The following OPN5 variants were observed in gnomAD, a reference collection of about 807,000 sequenced individuals.
OPN5 encodes the protein opsin 5.
Under a neutral mutation model 41.7 loss-of-function variants are expected in OPN5, and 18 were observed. That is an observed-to-expected ratio of 0.43 (90% CI 0.30 to 0.64). The LOEUF (loss-of-function observed/expected upper bound fraction) is 0.64. Among genes scored for constraint, OPN5 ranks in the 30% least tolerant of loss-of-function variants. OPN5 has a pLI of 0.13. For synonymous variants in OPN5, 178 were observed against 164.3 expected (o/e 1.08, Z -0.64); for missense variants, 318 against 434.5 (o/e 0.73, Z 2.38).
chr6:47,796,619 C>T (rs1481404990), intron 4 of OPN5, among the ~76,000 whole-genome samples: 4 of 152,184 alleles, frequency 2.6e-5, no homozygotes, highest in Admixed American at 6.5e-5. Flanking sequence ...CAATCAATCA[C>T]GTTGATTGGT....
chr6:47,795,785 C>CTT (rs1419857903), intron 4 of OPN5, among the ~76,000 whole-genome samples: 364 of 44,500 alleles, frequency 8.2e-3, no homozygotes, highest in African/African-American at 0.016. Context: ...CTCTCACACA[C>CTT]ACACACACAC....
intron 2 of OPN5, among the ~76,000 whole-genome samples, chr6:47,790,392 A>ACT (rs879689653): frequency 6.6e-6 from 1 of 151,710 alleles, no homozygotes; most frequent in Non-Finnish European, 1.5e-5. Flanking sequence ...TTCAGGGGAC[A>ACT]CTCTCTCTCT....
chr6:47,801,269 C>T (rs566256690), intron 4 of OPN5, among the ~76,000 whole-genome samples: 1 of 152,340 alleles, frequency 6.6e-6, no homozygotes, highest in African/African-American at 2.4e-5. Context: ...ATTGAATAAA[C>T]TAAGTTAATC....
chr6:47,786,338 C>T (rs1773191174), intron 1 of OPN5, among the ~76,000 whole-genome samples, 177 bp from the exon 2 acceptor site: 1 of 152,170 alleles, frequency 6.6e-6, no homozygotes, highest in Non-Finnish European at 1.5e-5. Context: ...CCCCATTGGC[C>T]TGTCACTCAC....
At chr6:47,811,767 G>A (rs1274643929) in intron 6 of OPN5, 36 bp downstream of exon 6, 17 of 1,415,656 alleles carry the variant, frequency 1.2e-5, no homozygotes, top group Middle Eastern at 1.8e-4. Flanking sequence ...ATGGACACTC[G>A]TATTCACTTA....
chr6:47,820,779 G>A (rs941502365), intron 6 of OPN5, among the ~76,000 whole-genome samples: 2 of 152,066 alleles, frequency 1.3e-5, no homozygotes, highest in Non-Finnish European at 2.9e-5. Flanking sequence ...AAGTACAGTC[G>A]ACCCTTGAAC....
chr6:47,808,688 T>C (rs543764021), intron 5 of OPN5, among the ~76,000 whole-genome samples: 1 of 152,286 alleles, frequency 6.6e-6, no homozygotes, highest in Admixed American at 6.5e-5. Context: ...GGCTCGTACA[T>C]TGCATATCTG....
chr6:47,790,463 GC>G (rs1561890853), intron 2 of OPN5, among the ~76,000 whole-genome samples: 1 of 151,988 alleles, frequency 6.6e-6, no homozygotes, highest in Non-Finnish European at 1.5e-5. Flanking sequence ...TCTGGTCTAG[GC>G]ATGAACACAT....
At chr6:47,799,563 A>G (rs917856886) in intron 4 of OPN5, among the ~76,000 whole-genome samples, 3 of 152,160 alleles carry the variant, frequency 2.0e-5, no homozygotes, top group Non-Finnish European at 2.9e-5. Context: ...TGTTCCAACT[A>G]TAAGTCATCT....
chr6:47,795,778 T>TCACACACACACACA (rs57933636), intron 4 of OPN5, among the ~76,000 whole-genome samples: 14 of 142,804 alleles, frequency 9.8e-5, no homozygotes, highest in African/African-American at 3.8e-4. Flanking sequence ...TCTCTCTCTC[T>TCACACACACACACA]CACACACACA....
At chr6:47,797,899 G>C (rs1486552971) in intron 4 of OPN5, among the ~76,000 whole-genome samples, 1 of 152,108 alleles carries the variant, frequency 6.6e-6, no homozygotes, top group Non-Finnish European at 1.5e-5. Context: ...GTCCTCTTGT[G>C]TATTCTTGAG....
intron 4 of OPN5, among the ~76,000 whole-genome samples, chr6:47,804,072 T>C (rs1164209181): frequency 1.3e-5 from 2 of 152,248 alleles, no homozygotes; most frequent in Non-Finnish European, 1.5e-5. Flanking sequence ...TGAGCAATTA[T>C]GGACAACACT....
At chr6:47,800,041 G>C (rs1333799414) in intron 4 of OPN5, among the ~76,000 whole-genome samples, 6 of 152,082 alleles carry the variant, frequency 3.9e-5, no homozygotes, top group African/African-American at 1.4e-4. Context: ...GGGAAATGAA[G>C]GTTTTACTTC....
chr6:47,795,440 A>G, exon 4 of OPN5: 1 of 1,614,050 alleles, frequency 6.2e-7, no homozygotes, highest in Non-Finnish European at 8.5e-7. Context: ...TCTTGCTCCC[A>G]ACGGCTGTGA....
At chr6:47,801,042 C>G (rs1773751102) in intron 4 of OPN5, among the ~76,000 whole-genome samples, 1 of 152,140 alleles carries the variant, frequency 6.6e-6, no homozygotes, top group African/African-American at 2.4e-5. Context: ...CCTGATTCTC[C>G]CTGGTTAAAG....
intron 6 of OPN5, among the ~76,000 whole-genome samples, chr6:47,813,702 T>C (rs529398530): frequency 6.6e-6 from 1 of 152,228 alleles, no homozygotes; most frequent in East Asian, 1.9e-4. Flanking sequence ...AGAGGCTTTA[T>C]AACAAAATTA....
At chr6:47,811,686 A>T (rs752622768) in exon 6 of OPN5, 1 of 1,612,216 alleles carries the variant, frequency 6.2e-7, no homozygotes, top group Non-Finnish European at 8.5e-7. Flanking sequence ...TGCACACCGT[A>T]ACCACAGTCA....
At chr6:47,807,099 G>A (rs1312621707) in intron 4 of OPN5, among the ~76,000 whole-genome samples, 1 of 152,210 alleles carries the variant, frequency 6.6e-6, no homozygotes, top group Non-Finnish European at 1.5e-5. Flanking sequence ...AGAGGTTGCA[G>A]TGAACCAAGA....
chr6:47,788,776 GGATAAAGTCGTGTTATATTAGGATAACCT>G (rs1773271716), intron 2 of OPN5, among the ~76,000 whole-genome samples: 2 of 131,032 alleles, frequency 1.5e-5, no homozygotes, highest in African/African-American at 5.7e-5. Flanking sequence ...TAACCTCTTA[GGATAAAGTCGTGTTATATTAGGATAACCT>G]GGGGGGGGGC....
Sources: allele counts gnomAD v4.1 joint callset (sites outside exome capture counted in the v4.1 genomes callset), GRCh38; gene constraint gnomAD v4.1.1; transcripts MANE v1.5; gene names NCBI Gene and HGNC (gene_info 2026-07-23, HGNC 2026-07-21).